Variants in LAMA5 observed in about 807,000 individuals in gnomAD.
LAMA5 encodes laminin subunit alpha-5.
Under a neutral mutation model 433.4 loss-of-function variants are expected in LAMA5, and 260 were observed. That is an observed-to-expected ratio of 0.60 (90% CI 0.54 to 0.66). LAMA5 has a LOEUF of 0.66. Ranked by LOEUF, LAMA5 falls within the 30% of genes least tolerant of loss-of-function variation. The pLI is 0.00. For synonymous variants in LAMA5, 2,620 were observed against 2,226.6 expected, an observed-to-expected ratio of 1.18 and a Z score of -4.97; for missense variants, 5,378 against 5,258.5, an observed-to-expected ratio of 1.02 and a Z score of -0.70.
rs1272895490 is a variant in LAMA5 at position 62,367,188 on chromosome 20, CG to C, written c.57del (p.Ala20ArgfsTer66). On this transcript the variant is annotated frameshift_variant, in exon 1 of 80. Coordinates refer to ENST00000252999, the MANE Select transcript of LAMA5 (RefSeq NM_005560.6). LOFTEE classifies it high-confidence loss of function. ...SALCVRGPRG[P>X]APLLLVGLAL... is the part of the protein sequence containing the mutation. ...GCCAGCCCGACCAGCAGCAGCGGCG[CG>C]GGGCCCCGGGGGCCGCGAACACACA... 1 of 1,223,572 alleles carries C rather than the reference CG, an allele frequency of 8.2e-7. No homozygotes were observed. Among genetic ancestry groups the C allele is most frequent in the Non-Finnish European group, 1.0e-6 (1 of 984,752 alleles). The allele number at this position is 1,223,572 out of a possible 1,614,324, so 75.8% of individuals were successfully genotyped here.
chr20:62,365,434 T>C (rs1353415333), intron 1 of LAMA5, among the ~76,000 whole-genome samples: 1 of 152,106 alleles, frequency 6.6e-6, no homozygotes, highest in African/African-American at 2.4e-5. Flanking sequence ...ACGGGGGTAA[T>C]AAGCCCCCAC....
At chr20:62,364,969 G>C (rs1196820059) in intron 1 of LAMA5, among the ~76,000 whole-genome samples, 1 of 152,274 alleles carries the variant, frequency 6.6e-6, no homozygotes, top group African/African-American at 2.4e-5. Flanking sequence ...CTCCACTCCA[G>C]ACCGGCCGGC....
At position 62,352,364 on chromosome 20, in the gene LAMA5, C is replaced by T. The variant is rs766867106; in HGVS notation, c.569-4G>A. 48 of 1,593,404 alleles carry T rather than the reference C, an allele frequency of 3.0e-5. No individual in the cohort carries two copies. Among genetic ancestry groups the T allele is most frequent in the East Asian group, 1.1e-4 (5 of 44,752 alleles). On this transcript the variant is annotated splice_region_variant and splice_polypyrimidine_tract_variant and intron_variant, in intron 3 of 79. Coordinates refer to ENST00000252999, the MANE Select transcript of LAMA5 (RefSeq NM_005560.6). ...TCCAGACAGTCCCTCTTGGAGGCTG[C>T]GGGGAATGGCGGGAGGGGAGGGCGC...
At position 62,351,905 on chromosome 20, in the gene LAMA5, T is replaced by G; in HGVS notation, c.858+4A>C. The G allele has an allele frequency of 6.3e-7, 1 of 1,596,726 alleles. No individual in the cohort carries two copies. Among genetic ancestry groups the G allele is most frequent in the Non-Finnish European group, 8.5e-7 (1 of 1,172,928 alleles). On this transcript the variant is annotated splice_donor_region_variant and intron_variant, in intron 5 of 79. Transcript: ENST00000252999. ...CTCCCCCGCCTGCGCCATGGGCAGC[T>G]CACCCGGCGGGTGACCGTGGGGTCC...
At chr20:62,321,598 AGGT>A in intron 48 of LAMA5, among the ~76,000 whole-genome samples, 1 of 27,546 alleles carries the variant, frequency 3.6e-5, no homozygotes, top group Non-Finnish European at 7.1e-5. Flanking sequence ...GGGCCAGTGG[AGGT>A]GGGGTCAGTG....
chr20:62,334,125 C>T, intron 22 of LAMA5, 61 bp downstream of exon 22: 7 of 1,588,116 alleles, frequency 4.4e-6, no homozygotes, highest in Non-Finnish European at 6.0e-6. Context: ...CCACCCCTCC[C>T]TGCCAGCCAC....
chr20:62,353,195 G>C lies in LAMA5; in HGVS notation c.507C>G (p.Leu169=). The C allele has an allele frequency of 6.3e-7, 1 of 1,587,402 alleles. No individual in the cohort carries two copies. The highest frequency in any genetic ancestry group is 1.8e-5 in the Admixed American group (1 of 56,564). The stretch of plus-strand genomic sequence containing the variant: ...AGTCCATGGACCGCTCCAGCACCCA[G>C]AGGTCCGGCCGGGGTGAGTTGGCAA... ...IKFANSPRPD[L]WVLERSMDFG... The change falls in exon 3 of 80, where the codon CTC becomes CTG. Residue 169 remains leucine (L), a synonymous_variant. Coordinates refer to ENST00000252999, the MANE Select transcript of LAMA5 (RefSeq NM_005560.6).
At chr20:62,350,663 A>G (rs1041324411) in intron 6 of LAMA5, among the ~76,000 whole-genome samples, 2 of 152,166 alleles carry the variant, frequency 1.3e-5, no homozygotes, top group Non-Finnish European at 2.9e-5. Context: ...CTGGGGGTCC[A>G]GGAGCCTCGT....
At chr20:62,333,015 A>G in intron 26 of LAMA5, 75 bp downstream of exon 26, 1 of 1,392,202 alleles carries the variant, frequency 7.2e-7, no homozygotes, top group Non-Finnish European at 9.4e-7. Context: ...ATAACCTGCC[A>G]CCGCCACAGG....
intron 2 of LAMA5, among the ~76,000 whole-genome samples, chr20:62,358,044 C>T (rs1985495130): frequency 6.6e-6 from 1 of 152,224 alleles, no homozygotes; most frequent in Non-Finnish European, 1.5e-5. Flanking sequence ...AATGTGGTGG[C>T]TCTTGTTTAG....
At chr20:62,363,224 G>A (rs550978368) in intron 1 of LAMA5, among the ~76,000 whole-genome samples, 46 of 152,316 alleles carry the variant, frequency 3.0e-4, no homozygotes, top group African/African-American at 1.0e-3. Flanking sequence ...GGCCTGTGGG[G>A]ACCGGCCCCA....
In LAMA5 at chr20:62,328,908, G is replaced by A. The variant is rs1169513255; in HGVS notation, c.4383C>T (p.Ala1461=). The A allele has an allele frequency of 4.3e-5, 69 of 1,611,624 alleles. No individual in the cohort carries two copies. Among genetic ancestry groups the A allele is most frequent in the Non-Finnish European group, 5.6e-5 (66 of 1,179,338 alleles). ...EPFGGQCPCH[A]HVIGRDCSRC... ...GGGAGCAGTCACGGCCAATGACATG[G>A]GCATGGCAGGGACACTGGCCCCCGA... Residue 1461 remains alanine (A), a synonymous_variant, in exon 34 of 80, where the codon GCC becomes GCT. Coordinates refer to ENST00000252999, the MANE Select transcript of LAMA5 (RefSeq NM_005560.6).
intron 51 of LAMA5, among the ~76,000 whole-genome samples, chr20:62,319,444 G>C (rs537962305): frequency 6.6e-6 from 1 of 152,174 alleles, no homozygotes. Flanking sequence ...ACATCTAACC[G>C]GCACATTTCC....
In LAMA5 at chr20:62,353,118, G is replaced by A. The variant is rs1469162349; in HGVS notation, c.568+16C>T. ...CCCTGCCTCTCCCCCCAGGCCCCAC[G>A]GCGGCAGAGACTCACAGGCAAAGAA... On this transcript the variant is annotated intron_variant, in intron 3 of 79. Transcript: ENST00000252999. The A allele has an allele frequency of 3.2e-6, 5 of 1,547,748 alleles. No homozygotes were observed. The highest frequency in any genetic ancestry group is 2.4e-5 in the East Asian group (1 of 42,018).
At chr20:62,346,841 G>A in intron 7 of LAMA5, 41 bp from the exon 8 acceptor site, 1 of 1,606,904 alleles carries the variant, frequency 6.2e-7, no homozygotes, top group Non-Finnish European at 8.5e-7. Flanking sequence ...GCCCTCCACA[G>A]GCCCGGGCAC....
rs764816010 is a variant in LAMA5, at chr20:62,315,152, G to A, written c.7923C>T (p.Asp2641=). ...GCTGGGACTGCACACGGGTGGCGGT[G>A]TCCTGGGCTTCAGCAGCCACAGCCT... ...HAKAVAAEAQ[D]TATRVQSQLQ... is the part of the protein sequence containing the mutation. The change falls in exon 59 of 80, where the codon GAC becomes GAT. Residue 2641 remains aspartate (D), a synonymous_variant. Transcript: ENST00000252999. 1.1e-5 allele frequency: 17 copies of A among 1,610,752 alleles called. No individual in the cohort carries two copies. In the African/African-American group the frequency reaches 1.5e-4, roughly 14 times the overall value.
intron 2 of LAMA5, among the ~76,000 whole-genome samples, chr20:62,353,672 A>G (rs1305653509): frequency 2.0e-5 from 3 of 152,114 alleles, no homozygotes; most frequent in East Asian, 3.9e-4. Flanking sequence ...CCTCACGTCC[A>G]GCCAGGCCTG....
At chr20:62,323,049 T>TGG (rs1180450635) in intron 45 of LAMA5, among the ~76,000 whole-genome samples, 1 of 78,970 alleles carries the variant, frequency 1.3e-5, no homozygotes, top group Admixed American at 1.8e-4. Context: ...GGACTGATTG[T>TGG]GGGGGGAGAG....
rs1447558281 is a variant in LAMA5 at position 62,337,852 on chromosome 20, C to A, written c.1978G>T (p.Ala660Ser). 6.2e-7 allele frequency: 1 copy of A among 1,612,782 alleles called. No homozygotes were observed. The highest frequency in any genetic ancestry group is 2.2e-5 in the East Asian group (1 of 44,890). ...CRCRPGYTGT[A>S]CQECSPGFHG... ...AAGCCGGGGCTGCATTCCTGGCAGG[C>A]AGTGCCTGTGTAGCCGGGGCGGCAG... Residue 660 changes from alanine (A) to serine (S), a missense_variant, in exon 15 of 80, where the codon GCC becomes TCC. Coordinates refer to ENST00000252999, the MANE Select transcript of LAMA5 (RefSeq NM_005560.6).
Sources: allele counts gnomAD v4.1 joint callset (sites outside exome capture counted in the v4.1 genomes callset), GRCh38; gene constraint gnomAD v4.1.1; transcripts MANE v1.5; gene names NCBI Gene and HGNC (gene_info 2026-07-23, HGNC 2026-07-21).